The following CCDC191 variants were observed in gnomAD, a reference collection of about 807,000 sequenced individuals.
CCDC191 encodes coiled-coil domain-containing protein 191.
A neutral mutation model predicts 114.0 loss-of-function variants in CCDC191; 99 were observed. The observed-to-expected ratio is 0.87, with a 90% CI of 0.74 to 1.03. CCDC191 has a LOEUF of 1.03. Among genes scored for constraint, CCDC191 ranks in the 50% least tolerant of loss-of-function variants. CCDC191 has a pLI of 0.00. For missense variants in CCDC191, 973 were observed against 1,087.0 expected, an observed-to-expected ratio of 0.90 and a Z score of 1.47; for synonymous variants, 351 against 376.0, an observed-to-expected ratio of 0.93 and a Z score of 0.77.
At chr3:114,041,906 A>G (rs1352130387) in intron 4 of CCDC191, among the ~76,000 whole-genome samples, 1 of 151,222 alleles carries the variant, frequency 6.6e-6, no homozygotes, top group Non-Finnish European at 1.5e-5. Flanking sequence ...TCTCCTCTGG[A>G]AAAAAAAACT....
At chr3:114,038,721 T>C (rs2107740463) in intron 4 of CCDC191, among the ~76,000 whole-genome samples, 1 of 152,364 alleles carries the variant, frequency 6.6e-6, no homozygotes, top group Admixed American at 6.5e-5. Context: ...AATGAGATCA[T>C]GTCCTTTGCA....
intron 9 of CCDC191, among the ~76,000 whole-genome samples, chr3:114,006,765 A>G (rs2075978578): frequency 6.6e-6 from 1 of 151,812 alleles, no homozygotes; most frequent in African/African-American, 2.4e-5. Flanking sequence ...ACAAATGAAT[A>G]ATATATCTCT....
chr3:113,978,382 A>T, intron 15 of CCDC191, 51 bp from the exon 16 acceptor site: 1 of 1,572,944 alleles, frequency 6.4e-7, no homozygotes, highest in Non-Finnish European at 8.7e-7. Flanking sequence ...CAGTTGACAA[A>T]GAATTAGAGC....
In CCDC191 at chr3:114,002,491, C is replaced by T. The variant is rs1214597014; in HGVS notation, c.2026G>A (p.Ala676Thr). ...TCTTCTTGTTTTTTCTTCTTCTCTGCCAAGATCCGCCTACATTCAGCTCGT... is the reference window on the plus strand; with the variant it reads ...TCTTCTTGTTTTTTCTTCTTCTCTGTCAAGATCCGCCTACATTCAGCTCGT... ...IQRAECRRILAEKKKKQEEEK... is the reference protein window; with the variant it reads ...IQRAECRRILTEKKKKQEEEK... Residue 676 changes from alanine (A) to threonine (T), a missense_variant, in exon 12 of 17, where the codon GCA becomes ACA. Coordinates refer to ENST00000295878, the MANE Select transcript of CCDC191 (RefSeq NM_020817.2). The T allele has an allele frequency of 3.7e-6, 6 of 1,611,096 alleles. No individual in the cohort carries two copies. The African/African-American group carries it at 8.0e-5, about 22-fold the overall frequency.
At chr3:113,978,159 G>A in intron 16 of CCDC191, 27 bp downstream of exon 16, 1 of 1,612,626 alleles carries the variant, frequency 6.2e-7, no homozygotes, top group Middle Eastern at 1.7e-4. Flanking sequence ...GTCAGAGAGT[G>A]AATTTTCCTC....
chr3:114,013,946 G>GT (rs1247311770), intron 8 of CCDC191, among the ~76,000 whole-genome samples: 1 of 152,034 alleles, frequency 6.6e-6, no homozygotes, highest in African/African-American at 2.4e-5. Flanking sequence ...TCCTACAAGA[G>GT]TTTTTTTCCT....
intron 13 of CCDC191, among the ~76,000 whole-genome samples, chr3:113,999,644 G>A (rs2075813026): frequency 6.6e-6 from 1 of 152,116 alleles, no homozygotes; most frequent in African/African-American, 2.4e-5. Context: ...GAAGGCAAGG[G>A]GAATATGGAG....
chr3:114,025,395 T>A (rs2076306836), intron 7 of CCDC191, among the ~76,000 whole-genome samples: 1 of 152,176 alleles, frequency 6.6e-6, no homozygotes, highest in Non-Finnish European at 1.5e-5. Context: ...ACTTTTTTTC[T>A]GAAGTATTTA....
At chr3:114,003,502 C>A in intron 11 of CCDC191, 1 of 985,372 alleles carries the variant, frequency 1.0e-6, no homozygotes, top group Non-Finnish European at 1.2e-6. Context: ...AAGTAAGAGA[C>A]CCCTAAGAAG....
intron 2 of CCDC191, among the ~76,000 whole-genome samples, chr3:114,050,441 G>C (rs2076684819): frequency 6.6e-6 from 1 of 152,198 alleles, no homozygotes; most frequent in South Asian, 2.1e-4. Flanking sequence ...GGCTGTATCT[G>C]TGTATATAAA....
Position 113,980,923 on chromosome 3 carries a change from G to C in CCDC191, c.2164-130C>G, listed in dbSNP as rs1577337942. The C allele has an allele frequency of 6.3e-6, 5 of 790,926 alleles. No homozygotes were observed. The East Asian group carries it at 1.4e-4, about 22-fold the overall frequency. 49.0% of individuals were successfully genotyped at this position (790,926 alleles called of 1,614,324 possible). A position where few individuals can be genotyped will look rare whatever the true frequency, so the allele number is the denominator to read the frequency against. Reference sequence around the variant, plus strand: ...TGTTAATCATGATAACAGAGCTCTGGATAATAGGGCTTTTTCTTTAAAAAA... The same window carrying C: ...TGTTAATCATGATAACAGAGCTCTGCATAATAGGGCTTTTTCTTTAAAAAA... On this transcript the variant is annotated intron_variant, in intron 13 of 16. Coordinates refer to ENST00000295878, the MANE Select transcript of CCDC191 (RefSeq NM_020817.2).
At chr3:113,970,077 G>C (rs182963693) in intron 16 of CCDC191, among the ~76,000 whole-genome samples, 2 of 152,224 alleles carry the variant, frequency 1.3e-5, no homozygotes, top group East Asian at 3.9e-4. Flanking sequence ...CTTGGTTAAA[G>C]TGGTTCCCAG....
chr3:114,043,180 G>A (rs1321613273), intron 3 of CCDC191, among the ~76,000 whole-genome samples: 2 of 152,156 alleles, frequency 1.3e-5, no homozygotes, highest in Admixed American at 6.5e-5. Context: ...AGATAGAGAA[G>A]TGAGGATCTA....
At chr3:113,986,623 T>C (rs185140758) in intron 13 of CCDC191, among the ~76,000 whole-genome samples, 5 of 152,316 alleles carry the variant, frequency 3.3e-5, no homozygotes, top group Non-Finnish European at 5.9e-5. Context: ...TGAATGCTTG[T>C]GTCCCCCTAA....
intron 4 of CCDC191, among the ~76,000 whole-genome samples, chr3:114,041,997 G>GA (rs944870798): frequency 2.0e-5 from 3 of 149,910 alleles, no homozygotes; most frequent in East Asian, 1.9e-4. Context: ...CTCTCCTCTG[G>GA]AAAAAAAAAC....
At chr3:114,037,049 C>A (rs1032270595) in intron 4 of CCDC191, 1 of 202,850 alleles carries the variant, frequency 4.9e-6, no homozygotes, top group Non-Finnish European at 9.7e-6. Flanking sequence ...AGATTTCAAT[C>A]TAAACAACCT....
intron 2 of CCDC191, among the ~76,000 whole-genome samples, chr3:114,049,288 T>C (rs2076670356): frequency 6.6e-6 from 1 of 152,230 alleles, no homozygotes; most frequent in African/African-American, 2.4e-5. Context: ...TTTATGTTGG[T>C]AGCATACGTC....
intron 13 of CCDC191, among the ~76,000 whole-genome samples, chr3:113,997,743 T>G (rs2075761123): frequency 6.6e-6 from 1 of 152,144 alleles, no homozygotes. Flanking sequence ...TACATAATGA[T>G]GTTTGGGTCA....
intron 16 of CCDC191, among the ~76,000 whole-genome samples, chr3:113,966,265 G>A (rs752980457): frequency 2.6e-5 from 4 of 152,192 alleles, no homozygotes; most frequent in Non-Finnish European, 5.9e-5. Context: ...TGGAAACATG[G>A]TATGGAAGAC....
Sources: allele counts gnomAD v4.1 joint callset (sites outside exome capture counted in the v4.1 genomes callset), GRCh38; gene constraint gnomAD v4.1.1; transcripts MANE v1.5; gene names NCBI Gene and HGNC (gene_info 2026-07-23, HGNC 2026-07-21).